ZDHHC20: variants seen among roughly 807,000 people sequenced by gnomAD.
The protein encoded by ZDHHC20 is palmitoyltransferase ZDHHC20.
ZDHHC20 carries 43 observed loss-of-function variants against 57.8 expected under a neutral mutation model. That is an observed-to-expected ratio of 0.74 (90% CI 0.58 to 0.96). The LOEUF (loss-of-function observed/expected upper bound fraction) is 0.96. Ranked by LOEUF, ZDHHC20 falls within the 40% of genes least tolerant of loss-of-function variation. The pLI is 0.00. For missense variants in ZDHHC20, 391 were observed against 441.1 expected (o/e 0.89, Z 1.02); for synonymous variants, 157 against 153.0 (o/e 1.03, Z -0.19).
At chr13:21,455,654 G>GTT in intron 1 of ZDHHC20, among the ~76,000 whole-genome samples, 1 of 151,700 alleles carries the variant, frequency 6.6e-6, no homozygotes, top group East Asian at 1.9e-4. Context: ...GTGTGTGTGT[G>GTT]TGTGTGTGTG....
At chr13:21,427,846 A>AAC (rs1267965994) in intron 1 of ZDHHC20, among the ~76,000 whole-genome samples, 1 of 151,642 alleles carries the variant, frequency 6.6e-6, no homozygotes, top group Non-Finnish European at 1.5e-5. Flanking sequence ...AAAAAAAAAA[A>AAC]AAAAAAAAAC....
chr13:21,444,843 C>T (rs1883520957), intron 1 of ZDHHC20, among the ~76,000 whole-genome samples: 1 of 152,022 alleles, frequency 6.6e-6, no homozygotes, highest in Non-Finnish European at 1.5e-5. Context: ...ACTGCTTGAG[C>T]TTAGGAGTTG....
chr13:21,418,482 T>G (rs1880264044), intron 3 of ZDHHC20, among the ~76,000 whole-genome samples: 1 of 150,894 alleles, frequency 6.6e-6, no homozygotes, highest in African/African-American at 2.5e-5. Context: ...ATATCTATTA[T>G]TAATTACATA....
chr13:21,441,391 CTT>C (rs1405638106), intron 1 of ZDHHC20, among the ~76,000 whole-genome samples: 3 of 143,658 alleles, frequency 2.1e-5, no homozygotes, highest in Non-Finnish European at 1.5e-5. Flanking sequence ...TCTTTTCTCT[CTT>C]TTTTTTTTTT....
chr13:21,445,461 G>T (rs1028087536), intron 1 of ZDHHC20, among the ~76,000 whole-genome samples: 1 of 152,066 alleles, frequency 6.6e-6, no homozygotes, highest in South Asian at 2.1e-4. Context: ...CACACAACGG[G>T]CATACAATAA....
chr13:21,440,163 TACTC>T (rs1346809681), intron 1 of ZDHHC20, among the ~76,000 whole-genome samples: 2 of 151,140 alleles, frequency 1.3e-5, no homozygotes, highest in African/African-American at 4.9e-5. Flanking sequence ...CTCTACAACT[TACTC>T]TCATACATTT....
intron 1 of ZDHHC20, among the ~76,000 whole-genome samples, chr13:21,456,782 G>A (rs891393865): frequency 6.6e-6 from 1 of 152,176 alleles, no homozygotes; most frequent in Non-Finnish European, 1.5e-5. Flanking sequence ...TTAACTTAAT[G>A]AAATTGTAGG....
intron 1 of ZDHHC20, among the ~76,000 whole-genome samples, chr13:21,426,177 C>T (rs546782714): frequency 2.0e-5 from 3 of 152,184 alleles, no homozygotes; most frequent in East Asian, 1.9e-4. Context: ...AGTCAGACTA[C>T]GCACAGAAAA....
At chr13:21,444,578 A>T (rs1344314690) in intron 1 of ZDHHC20, among the ~76,000 whole-genome samples, 1 of 152,212 alleles carries the variant, frequency 6.6e-6, no homozygotes, top group Non-Finnish European at 1.5e-5. Context: ...ACTAAATTAA[A>T]TTATTCGTAT....
chr13:21,459,250 TC>T lies in ZDHHC20; in HGVS notation c.-80del. ...GCCCCGGCGACGGTGACTCGGACGC[TC>T]CAGGCGGCTGCTGGTCCAGCTCCCC... On this transcript the variant is annotated 5_prime_UTR_variant, in exon 1 of 13. Coordinates refer to ENST00000400590, the MANE Select transcript of ZDHHC20 (RefSeq NM_001330059.2). 8.8e-7 allele frequency: 1 copy of T among 1,132,580 alleles called. No individual in the cohort carries two copies. The highest frequency in any genetic ancestry group is 1.6e-5 in the South Asian group (1 of 63,950). 70.2% of individuals were successfully genotyped at this position (1,132,580 alleles called of 1,614,324 possible). A position where few individuals can be genotyped will look rare whatever the true frequency, so the allele number is the denominator to read the frequency against.
chr13:21,384,371 C>T (rs552597763), intron 9 of ZDHHC20, among the ~76,000 whole-genome samples: 2 of 143,126 alleles, frequency 1.4e-5, no homozygotes, highest in African/African-American at 2.6e-5. Flanking sequence ...ACCCGGGAGG[C>T]GGAGGTTGCA....
chr13:21,402,891 A>G (rs754617168), intron 4 of ZDHHC20, 25 bp from the exon 5 acceptor site: 11 of 1,532,138 alleles, frequency 7.2e-6, no homozygotes, highest in Non-Finnish European at 8.9e-6. Flanking sequence ...TAAAAGGAAG[A>G]TGCTGAAGGA....
Position 21,382,901 on chromosome 13 carries a change from A to G in ZDHHC20, c.944+19T>C, listed in dbSNP as rs745707311. ...TGCTTTATGATGAATATAGAAAAGCATAAGGACAATAAGCATACCTTCTGG... is the reference window on the plus strand; with the variant it reads ...TGCTTTATGATGAATATAGAAAAGCGTAAGGACAATAAGCATACCTTCTGG... On this transcript the variant is annotated intron_variant, in intron 10 of 12. Transcript: ENST00000400590. 3.2e-6 allele frequency: 5 copies of G among 1,545,292 alleles called. No homozygotes were observed. The highest frequency in any genetic ancestry group is 2.0e-5 in the Admixed American group (1 of 51,136).
intron 8 of ZDHHC20, among the ~76,000 whole-genome samples, chr13:21,388,056 GC>G (rs1033947707): frequency 5.9e-5 from 9 of 152,016 alleles, no homozygotes; most frequent in African/African-American, 2.2e-4. Context: ...CTAGAGTCTA[GC>G]AAAAATTACA....
chr13:21,401,793 T>G, intron 5 of ZDHHC20, 108 bp from the exon 6 acceptor site: 1 of 973,404 alleles, frequency 1.0e-6, no homozygotes, highest in Non-Finnish European at 1.5e-6. Flanking sequence ...AACTACATCT[T>G]AAGAGAATCA....
Position 21,413,620 on chromosome 13 carries a change from A to G in ZDHHC20, c.370+32T>C, listed in dbSNP as rs567267185. ...CAGGAATAAGCATACTTTAAAAATC[A>G]TTTGAAAAGGAAAACTTATTCTTTT... On this transcript the variant is annotated intron_variant, in intron 4 of 12. Coordinates refer to ENST00000400590, the MANE Select transcript of ZDHHC20 (RefSeq NM_001330059.2). 4 of 1,563,438 alleles carry G rather than the reference A, an allele frequency of 2.6e-6. No homozygotes were observed. The African/African-American group carries it at 5.5e-5, about 21-fold the overall frequency.
intron 12 of ZDHHC20, among the ~76,000 whole-genome samples, chr13:21,378,297 T>C (rs905831583): frequency 2.6e-5 from 4 of 152,170 alleles, no homozygotes; most frequent in African/African-American, 9.7e-5. Context: ...TGGACTTAAG[T>C]GATCCTCCCA....
intron 1 of ZDHHC20, among the ~76,000 whole-genome samples, chr13:21,432,503 T>G (rs568297982): frequency 1.1e-4 from 16 of 152,138 alleles, no homozygotes; most frequent in South Asian, 1.0e-3. Flanking sequence ...CTAATTTTTT[T>G]TGTGTTTTTT....
intron 2 of ZDHHC20, among the ~76,000 whole-genome samples, chr13:21,424,751 C>A (rs1285798118): frequency 1.3e-5 from 2 of 151,190 alleles, no homozygotes; most frequent in African/African-American, 4.9e-5. Flanking sequence ...GTAAAAATAG[C>A]CCCAAGAGAT....
Sources: gnomAD v4.1 joint callset for allele counts (sites outside exome capture counted in the v4.1 genomes callset) on GRCh38, gnomAD v4.1.1 for gene constraint, MANE v1.5 for transcripts, NCBI Gene and HGNC (gene_info 2026-07-23, HGNC 2026-07-21) for gene names.